Variants in KCNB2 observed in about 807,000 individuals in gnomAD.
KCNB2 encodes the protein delayed rectifier potassium channel protein.
A neutral mutation model predicts 61.5 loss-of-function variants in KCNB2; 15 were observed. The ratio of observed to expected loss-of-function variants is 0.24; its 90% CI spans 0.16 to 0.38. The LOEUF is 0.38. KCNB2 is among the 10% of genes least tolerant of loss of function. The pLI, the probability that KCNB2 is intolerant of heterozygous loss-of-function variation, is 1.00. For synonymous variants in KCNB2, 457 were observed against 446.0 expected, an observed-to-expected ratio of 1.02 and a Z score of -0.31; for missense variants, 828 against 1,125.2, an observed-to-expected ratio of 0.74 and a Z score of 3.78.
At chr8:72,900,921 G>A (rs750250338) in intron 2 of KCNB2, among the ~76,000 whole-genome samples, 5 of 152,142 alleles carry the variant, frequency 3.3e-5, no homozygotes, top group Non-Finnish European at 7.4e-5. Context: ...AGTCTCTGTG[G>A]AAAGCAGTTT....
chr8:72,562,462 T>C (rs972309593), intron 1 of KCNB2, among the ~76,000 whole-genome samples: 2 of 152,196 alleles, frequency 1.3e-5, no homozygotes, highest in African/African-American at 2.4e-5. Context: ...TGCTTTTTTT[T>C]CTCTAGAAGA....
intron 2 of KCNB2, among the ~76,000 whole-genome samples, chr8:72,669,261 G>A (rs79856429): frequency 0.015 from 2,334 of 152,268 alleles, 51 homozygotes; most frequent in African/African-American, 0.054. Context: ...TTTGTGAATT[G>A]CATGTGTATG....
At chr8:72,687,479 G>T (rs1585830499) in intron 2 of KCNB2, among the ~76,000 whole-genome samples, 1 of 152,132 alleles carries the variant, frequency 6.6e-6, no homozygotes, top group African/African-American at 2.4e-5. Context: ...GGAGATTCCA[G>T]CAAGTATGCT....
chr8:72,639,743 C>T (rs570995957), intron 2 of KCNB2, among the ~76,000 whole-genome samples: 4 of 151,978 alleles, frequency 2.6e-5, no homozygotes, highest in East Asian at 1.9e-4. Context: ...GTGCCAGGCC[C>T]GCCGGAGACC....
intron 2 of KCNB2, among the ~76,000 whole-genome samples, chr8:72,652,524 A>G (rs141494856): frequency 1.8e-4 from 28 of 152,156 alleles, no homozygotes; most frequent in African/African-American, 5.8e-4. Flanking sequence ...AATGGCTTCA[A>G]TTTATGCTCA....
At chr8:72,934,112 GCCAGGCACAGTGGCTC>G (rs1806846753) in intron 2 of KCNB2, among the ~76,000 whole-genome samples, 1 of 152,078 alleles carries the variant, frequency 6.6e-6, no homozygotes, top group Non-Finnish European at 1.5e-5. Context: ...ATATAAAGGG[GCCAGGCACAGTGGCTC>G]CCAGCACTTT....
chr8:72,894,501 T>C (rs1325619887), intron 2 of KCNB2, among the ~76,000 whole-genome samples: 1 of 152,240 alleles, frequency 6.6e-6, no homozygotes, highest in Non-Finnish European at 1.5e-5. Flanking sequence ...AACTATGCAT[T>C]AATTCTTAGA....
intron 2 of KCNB2, among the ~76,000 whole-genome samples, chr8:72,795,632 C>A (rs538983559): frequency 2.0e-5 from 3 of 152,240 alleles, no homozygotes; most frequent in African/African-American, 7.2e-5. Flanking sequence ...TTTCCAAAAA[C>A]AAACAAACAA....
At chr8:72,846,111 T>TG (rs1270506300) in intron 2 of KCNB2, among the ~76,000 whole-genome samples, 1 of 152,168 alleles carries the variant, frequency 6.6e-6, no homozygotes, top group Non-Finnish European at 1.5e-5. Flanking sequence ...CTGCGGGTTG[T>TG]GAAGACCGTG....
At chr8:72,847,353 C>T (rs1324696336) in intron 2 of KCNB2, among the ~76,000 whole-genome samples, 2 of 152,178 alleles carry the variant, frequency 1.3e-5, no homozygotes, top group Non-Finnish European at 2.9e-5. Flanking sequence ...TGTGGTCTTC[C>T]CATCTCCACT....
At chr8:72,598,167 A>C (rs1421083603) in intron 2 of KCNB2, among the ~76,000 whole-genome samples, 2 of 151,972 alleles carry the variant, frequency 1.3e-5, no homozygotes, top group Non-Finnish European at 1.5e-5. Flanking sequence ...TTTTAGACCA[A>C]TATCCTTGAT....
intron 2 of KCNB2, among the ~76,000 whole-genome samples, chr8:72,641,571 A>G (rs1435238551): frequency 6.6e-6 from 1 of 152,144 alleles, no homozygotes; most frequent in Non-Finnish European, 1.5e-5. Context: ...TCCTTAAGCC[A>G]TCTGAAACTA....
intron 2 of KCNB2, among the ~76,000 whole-genome samples, chr8:72,904,352 AT>A (rs1308700987): frequency 6.6e-6 from 1 of 152,034 alleles, no homozygotes; most frequent in African/African-American, 2.4e-5. Flanking sequence ...ACATCCTGAA[AT>A]TTTTTTAACA....
chr8:72,592,372 T>C (rs1049436298), intron 2 of KCNB2, among the ~76,000 whole-genome samples: 3 of 152,160 alleles, frequency 2.0e-5, no homozygotes, highest in Non-Finnish European at 4.4e-5. Flanking sequence ...TATATCTGCA[T>C]GTCATAGGGG....
chr8:72,603,507 A>T (rs980051381), intron 2 of KCNB2, among the ~76,000 whole-genome samples: 1 of 152,038 alleles, frequency 6.6e-6, no homozygotes, highest in South Asian at 2.1e-4. Flanking sequence ...CACTCCCATA[A>T]CACTGTGCTT....
intron 2 of KCNB2, among the ~76,000 whole-genome samples, chr8:72,748,609 G>GTT (rs758100543): frequency 1.3e-4 from 12 of 91,826 alleles, no homozygotes; most frequent in East Asian, 3.1e-4. Context: ...TTTTTTTTTT[G>GTT]TTGTTTTTTT....
chr8:72,921,267 C>T (rs1481364089), intron 2 of KCNB2, among the ~76,000 whole-genome samples: 1 of 152,114 alleles, frequency 6.6e-6, no homozygotes, highest in Non-Finnish European at 1.5e-5. Context: ...TTCTATTCTA[C>T]TCTCATCTGT....
At chr8:72,874,981 C>G (rs1805680044) in intron 2 of KCNB2, 1 of 152,382 alleles carries the variant, frequency 6.6e-6, no homozygotes, top group Non-Finnish European at 1.5e-5. Flanking sequence ...CTAACACCCT[C>G]TGATGGCAGG....
intron 2 of KCNB2, among the ~76,000 whole-genome samples, chr8:72,935,191 T>G (rs1806873678): frequency 6.6e-6 from 1 of 152,164 alleles, no homozygotes; most frequent in Non-Finnish European, 1.5e-5. Context: ...CTCTCCTTAC[T>G]TCATTCTAAG....
Sources: allele counts gnomAD v4.1 joint callset (sites outside exome capture counted in the v4.1 genomes callset), GRCh38; gene constraint gnomAD v4.1.1; transcripts MANE v1.5; gene names NCBI Gene and HGNC (gene_info 2026-07-23, HGNC 2026-07-21).